Variants in TEX36 observed in about 807,000 individuals in gnomAD.
The protein encoded by TEX36 is testis expressed 36, also known as testis-expressed protein 36.
A neutral mutation model predicts 13.6 loss-of-function variants in TEX36; 12 were observed. The ratio of observed to expected loss-of-function variants is 0.88; its 90% CI spans 0.56 to 1.43. The LOEUF is 1.43. TEX36 is among the 40% of genes most tolerant of loss of function. The pLI, the probability that TEX36 is intolerant of heterozygous loss-of-function variation, is 0.00. For synonymous variants in TEX36, 93 were observed against 83.0 expected, an observed-to-expected ratio of 1.12 and a Z score of -0.65; for missense variants, 224 against 228.3, an observed-to-expected ratio of 0.98 and a Z score of 0.12.
At chr10:125,615,229 C>G (rs978470512) in intron 3 of TEX36, among the ~76,000 whole-genome samples, 4 of 152,104 alleles carry the variant, frequency 2.6e-5, no homozygotes, top group South Asian at 4.2e-4. Flanking sequence ...CATCTGCAAA[C>G]AGGGACAATT....
chr10:125,605,791 G>A (rs920340244), intron 3 of TEX36, among the ~76,000 whole-genome samples: 7 of 151,938 alleles, frequency 4.6e-5, no homozygotes, highest in South Asian at 2.1e-4. Context: ...TAGTAGAGAC[G>A]GGGTTTCACC....
intron 3 of TEX36, among the ~76,000 whole-genome samples, chr10:125,591,266 A>G (rs1846018556): frequency 6.6e-6 from 1 of 152,244 alleles, no homozygotes; most frequent in Admixed American, 6.5e-5. Flanking sequence ...TGTCATCTAT[A>G]TTATTTTAAT....
chr10:125,609,145 A>C, intron 3 of TEX36, among the ~76,000 whole-genome samples: 1 of 143,182 alleles, frequency 7.0e-6, no homozygotes, highest in Non-Finnish European at 1.5e-5. Context: ...ACAGAGGGAG[A>C]CTCCATCTCA....
intron 3 of TEX36, among the ~76,000 whole-genome samples, chr10:125,614,233 C>T (rs1222336716): frequency 6.6e-6 from 1 of 152,102 alleles, no homozygotes; most frequent in East Asian, 1.9e-4. Context: ...TTGTAGGTTG[C>T]CTGTTCCCTC....
chr10:125,667,080 G>T, intron 1 of TEX36: 1 of 1,205,162 alleles, frequency 8.3e-7, no homozygotes, highest in Non-Finnish European at 1.2e-6. Context: ...GTCACAGGGA[G>T]CACTTGTTAA....
At chr10:125,637,420 C>A (rs910519054) in intron 3 of TEX36, among the ~76,000 whole-genome samples, 20 of 152,046 alleles carry the variant, frequency 1.3e-4, no homozygotes, top group Admixed American at 1.1e-3. Context: ...AGTTTCCTTC[C>A]TTTTTAAGAC....
intron 1 of TEX36, 29 bp from the exon 2 acceptor site, chr10:125,662,006 A>G: frequency 6.4e-7 from 1 of 1,552,248 alleles, no homozygotes; most frequent in Non-Finnish European, 8.7e-7. Flanking sequence ...CCTTGATTAA[A>G]ACCAGACACA....
chr10:125,653,837 T>A (rs1221439125), downstream of TEX36, among the ~76,000 whole-genome samples: 1 of 151,854 alleles, frequency 6.6e-6, no homozygotes, highest in Non-Finnish European at 1.5e-5. Flanking sequence ...TTTTAATTAG[T>A]TGAGTGTGGT....
intron 3 of TEX36, among the ~76,000 whole-genome samples, chr10:125,633,445 T>A (rs1846584851): frequency 6.6e-6 from 1 of 152,252 alleles, no homozygotes; most frequent in Non-Finnish European, 1.5e-5. Flanking sequence ...ATTAGCTAAT[T>A]GTTTTACCAA....
At chr10:125,604,774 T>C (rs1211586980) in intron 3 of TEX36, among the ~76,000 whole-genome samples, 1 of 151,984 alleles carries the variant, frequency 6.6e-6, no homozygotes, top group African/African-American at 2.4e-5. Flanking sequence ...ATTGTGCCAC[T>C]GCACTCCAGC....
chr10:125,668,199 T>G (rs1847158233), intron 1 of TEX36, among the ~76,000 whole-genome samples: 1 of 152,172 alleles, frequency 6.6e-6, no homozygotes, highest in African/African-American at 2.4e-5. Context: ...TTAGGGAGAA[T>G]TCCCTCCTCT....
chr10:125,642,344 A>G (rs1846704629), intron 3 of TEX36, among the ~76,000 whole-genome samples: 1 of 152,252 alleles, frequency 6.6e-6, no homozygotes, highest in Non-Finnish European at 1.5e-5. Context: ...CTCTGATGTC[A>G]CAAACCTGCC....
chr10:125,667,933 T>G (rs539126591), intron 1 of TEX36: 2 of 1,157,802 alleles, frequency 1.7e-6, no homozygotes, highest in African/African-American at 3.0e-5. Flanking sequence ...GGGTCAATGC[T>G]GGATATCGGT....
chr10:125,588,596 T>G (rs61873467), intron 3 of TEX36, among the ~76,000 whole-genome samples: 14 of 19,994 alleles, frequency 7.0e-4, no homozygotes, highest in Admixed American at 2.5e-3. Flanking sequence ...GCTCTTGGTT[T>G]GTTTGTTTGT....
intron 3 of TEX36, among the ~76,000 whole-genome samples, chr10:125,609,392 T>C (rs1287918863): frequency 6.6e-6 from 1 of 152,178 alleles, no homozygotes; most frequent in Non-Finnish European, 1.5e-5. Flanking sequence ...GTTCCTCTTT[T>C]TCTTGGGCAC....
intron 3 of TEX36, among the ~76,000 whole-genome samples, chr10:125,614,462 G>C (rs1031577564): frequency 1.3e-5 from 2 of 150,464 alleles, no homozygotes; most frequent in Non-Finnish European, 3.0e-5. Flanking sequence ...TTTTGTATAA[G>C]GTGTAAGGAA....
chr10:125,634,479 A>G (rs1846598704), intron 3 of TEX36, among the ~76,000 whole-genome samples: 1 of 152,140 alleles, frequency 6.6e-6, no homozygotes, highest in Non-Finnish European at 1.5e-5. Context: ...GCATCTCTTC[A>G]TCTGCTTAGT....
At chr10:125,588,329 C>A (rs1845982510) in intron 3 of TEX36, among the ~76,000 whole-genome samples, 1 of 152,140 alleles carries the variant, frequency 6.6e-6, no homozygotes, top group East Asian at 1.9e-4. Flanking sequence ...GTGTAGTTGT[C>A]ATTTGATTTC....
chr10:125,612,083 CTTTTTCT>C (rs1434553832), intron 3 of TEX36, among the ~76,000 whole-genome samples: 2 of 146,492 alleles, frequency 1.4e-5, no homozygotes, highest in Non-Finnish European at 3.0e-5. Flanking sequence ...TTTTCTTTTT[CTTTTTCT>C]TTTTTTTTTT....
Sources: gnomAD v4.1 joint callset for allele counts (sites outside exome capture counted in the v4.1 genomes callset) on GRCh38, gnomAD v4.1.1 for gene constraint, MANE v1.5 for transcripts, NCBI Gene and HGNC (gene_info 2026-07-23, HGNC 2026-07-21) for gene names.